Variants in XYLB observed in about 807,000 individuals in gnomAD.
The protein encoded by XYLB is xylulokinase, also known as xylulose kinase.
Under a neutral mutation model 78.7 loss-of-function variants are expected in XYLB, and 62 were observed. That is an observed-to-expected ratio of 0.79 (90% CI 0.64 to 0.97). The LOEUF (loss-of-function observed/expected upper bound fraction) is 0.97. Ranked by LOEUF, XYLB falls within the 50% of genes least tolerant of loss-of-function variation. The pLI, the probability that XYLB is intolerant of heterozygous loss-of-function variation, is 0.00. For missense variants in XYLB, 687 were observed against 676.8 expected (o/e 1.02, Z -0.17); for synonymous variants, 245 against 247.4 (o/e 0.99, Z 0.09).
At position 38,363,006 on chromosome 3, in the gene XYLB, G is replaced by T; in HGVS notation, c.280G>T (p.Gly94Trp). 1 of 1,558,490 alleles carries T rather than the reference G, an allele frequency of 6.4e-7. No homozygotes were observed. Residue 94 changes from glycine (G) to tryptophan (W), a missense_variant, in exon 4 of 19, where the codon GGG (glycine) becomes TGG (tryptophan). Coordinates refer to ENST00000207870, the MANE Select transcript of XYLB (RefSeq NM_005108.4). ...FDFSQVLALS[G>W]AGQQHGSIYW... ...CTTCTCTCAAGTCCTAGCCTTGTCC[G>T]GGGCGGGCCAGGTTCGTTTGCAGCA... is the stretch of plus-strand genomic sequence containing the variant.
At chr3:38,366,322 G>A (rs1287374599) in intron 6 of XYLB, among the ~76,000 whole-genome samples, 3 of 152,014 alleles carry the variant, frequency 2.0e-5, no homozygotes, top group African/African-American at 7.3e-5. Flanking sequence ...GGCTTGGTCA[G>A]AACAGTCACC....
the XYLB span, among the ~76,000 whole-genome samples, chr3:38,438,922 G>A: frequency 1.3e-5 from 2 of 152,100 alleles, no homozygotes; most frequent in Non-Finnish European, 2.9e-5. Context: ...GCTGATTGGT[G>A]CGTTTTTACA....
intron 2 of XYLB, among the ~76,000 whole-genome samples, chr3:38,358,500 A>G (rs1397615994): frequency 6.6e-6 from 1 of 151,746 alleles, no homozygotes; most frequent in Non-Finnish European, 1.5e-5. Flanking sequence ...GCCCTCCACC[A>G]TGCCTGGCTA....
chr3:38,354,640 C>T (rs1169604075), intron 2 of XYLB, among the ~76,000 whole-genome samples: 2 of 151,898 alleles, frequency 1.3e-5, no homozygotes, highest in Non-Finnish European at 2.9e-5. Flanking sequence ...GTAGCTGGGA[C>T]TACAGGCACA....
intron 18 of XYLB, among the ~76,000 whole-genome samples, chr3:38,404,467 A>G (rs899415095): frequency 6.6e-6 from 1 of 152,246 alleles, no homozygotes; most frequent in Non-Finnish European, 1.5e-5. Context: ...CTTCTCAGAC[A>G]GAGCTGCTCC....
chr3:38,366,660 C>T (rs1706278516), intron 6 of XYLB, 148 bp from the exon 7 acceptor site: 3 of 594,544 alleles, frequency 5.0e-6, no homozygotes, highest in Non-Finnish European at 8.9e-6. Context: ...TACAAGCGCA[C>T]ACTACTGTGC....
rs751275291 is a variant in XYLB, at chr3:38,412,975, C to G, written c.1573C>G (p.Gln525Glu). 2 of 1,604,770 alleles carry G rather than the reference C, an allele frequency of 1.2e-6. No homozygotes were observed. The highest frequency in any genetic ancestry group is 2.2e-5 in the South Asian group (2 of 89,358). Residue 525 changes from glutamine (Q) to glutamate (E), a missense_variant, in exon 19 of 19, where the codon CAG becomes GAG. Gln to Glu is a conservative substitution (Grantham distance 29). Transcript: ENST00000207870. ...ALLPQYAKLE[Q>E]RILSQTRGPP... ...TCTCCCCCAGTATGCCAAACTCGAG[C>G]AGAGAATCTTGTCTCAGACCCGGGG...
intron 18 of XYLB, among the ~76,000 whole-genome samples, chr3:38,402,362 G>A (rs953001955): frequency 6.6e-6 from 1 of 152,100 alleles, no homozygotes; most frequent in African/African-American, 2.4e-5. Context: ...GGTCTGAAAC[G>A]AAAGCTGTCA....
At chr3:38,423,719 TCA>T (rs1204280308), downstream of XYLB, among the ~76,000 whole-genome samples, 2 of 152,356 alleles carry the variant, frequency 1.3e-5, no homozygotes, top group African/African-American at 2.4e-5. Flanking sequence ...TAAAAAATTT[TCA>T]CAGTGTTACA....
At chr3:38,451,243 A>T in the XYLB span, 1 of 152,148 alleles carries the variant, frequency 6.6e-6, no homozygotes, top group Non-Finnish European at 1.5e-5. Context: ...AGTTCTTTTG[A>T]TACTTTTTAT....
the XYLB span, among the ~76,000 whole-genome samples, chr3:38,432,878 C>T: frequency 5.9e-5 from 9 of 152,312 alleles, no homozygotes; most frequent in Admixed American, 2.0e-4. Context: ...TCCAGGCACA[C>T]GGTGCAAGCT....
chr3:38,410,436 G>A (rs1179133842), intron 18 of XYLB, among the ~76,000 whole-genome samples: 6 of 151,946 alleles, frequency 3.9e-5, no homozygotes, highest in South Asian at 4.2e-4. Context: ...AAACCCTAGA[G>A]GAAAACCTAG....
intron 18 of XYLB, among the ~76,000 whole-genome samples, chr3:38,407,409 G>A (rs1708371390): frequency 1.3e-5 from 2 of 152,310 alleles, no homozygotes; most frequent in East Asian, 1.9e-4. Flanking sequence ...GGAACAACCT[G>A]TACCAGCCAC....
chr3:38,406,163 C>G (rs1056234301), intron 18 of XYLB, among the ~76,000 whole-genome samples: 3 of 152,224 alleles, frequency 2.0e-5, no homozygotes, highest in Non-Finnish European at 4.4e-5. Context: ...ACAGCCCACA[C>G]GGCCGGGTAC....
Position 38,413,303 on chromosome 3 carries a change from CTA to C in XYLB, c.*292_*293del. ...GAGACTGGGATATGTCCAATAAAAA[CTA>C]TGACTTTTCCCCTTGCAGAGGCAGA... On this transcript the variant is annotated 3_prime_UTR_variant, in exon 19 of 19. Coordinates refer to ENST00000207870, the MANE Select transcript of XYLB (RefSeq NM_005108.4). 3.0e-6 allele frequency: 1 copy of C among 335,166 alleles called. No homozygotes were observed. Among genetic ancestry groups the C allele is most frequent in the Admixed American group, 4.9e-5 (1 of 20,214 alleles). 20.8% of individuals were successfully genotyped at this position (335,166 alleles called of 1,614,324 possible). A position where few individuals can be genotyped will look rare whatever the true frequency, so the allele number is the denominator to read the frequency against.
the XYLB span, among the ~76,000 whole-genome samples, chr3:38,433,845 A>G: frequency 6.6e-6 from 1 of 152,176 alleles, no homozygotes; most frequent in Non-Finnish European, 1.5e-5. Context: ...TTGCTTCCAC[A>G]TTTTTAAGTA....
At chr3:38,386,396 T>C (rs1295892339) in intron 15 of XYLB, among the ~76,000 whole-genome samples, 1 of 152,128 alleles carries the variant, frequency 6.6e-6, no homozygotes, top group Non-Finnish European at 1.5e-5. Flanking sequence ...AAGGGAAGGG[T>C]CCATTTACAT....
chr3:38,442,974 G>A, the XYLB span, among the ~76,000 whole-genome samples: 18 of 152,192 alleles, frequency 1.2e-4, no homozygotes, highest in East Asian at 3.9e-4. Flanking sequence ...CCATATTCAC[G>A]TAGATAATAG....
chr3:38,351,959 A>T (rs996642681), intron 2 of XYLB, among the ~76,000 whole-genome samples: 2 of 152,184 alleles, frequency 1.3e-5, no homozygotes, highest in Admixed American at 6.5e-5. Flanking sequence ...TTCTGTTGTT[A>T]TAAGCAAAGG....
Sources: gnomAD v4.1 joint callset for allele counts (sites outside exome capture counted in the v4.1 genomes callset) on GRCh38, gnomAD v4.1.1 for gene constraint, MANE v1.5 for transcripts, NCBI Gene and HGNC (gene_info 2026-07-23, HGNC 2026-07-21) for gene names.